The following ATP6V0D2 variants were observed in gnomAD, a reference collection of about 807,000 sequenced individuals.
ATP6V0D2 encodes V-type proton ATPase subunit d 2.
Under a neutral mutation model 40.0 loss-of-function variants are expected in ATP6V0D2, and 40 were observed. That is an observed-to-expected ratio of 1.00 (90% confidence interval 0.78 to 1.30). ATP6V0D2 has a LOEUF of 1.30. Among genes scored for constraint, ATP6V0D2 ranks in the 50% most tolerant of loss-of-function variants. The pLI is 0.00. For missense variants in ATP6V0D2, 470 were observed against 423.1 expected (o/e 1.11, Z -0.97); for synonymous variants, 179 against 156.3 (o/e 1.15, Z -1.08).
intron 2 of ATP6V0D2, among the ~76,000 whole-genome samples, chr8:86,116,531 A>G (rs923648895): frequency 6.6e-6 from 1 of 152,212 alleles, no homozygotes; most frequent in Non-Finnish European, 1.5e-5. Context: ...AAATAACTGC[A>G]TAGAATTGGC....
chr8:86,150,063 A>G (rs983551101), intron 5 of ATP6V0D2, 49 bp from the exon 6 acceptor site: 2 of 1,552,552 alleles, frequency 1.3e-6, no homozygotes, highest in Admixed American at 1.8e-5. Context: ...GTCTGTTTAT[A>G]GCATTTAGCA....
chr8:86,106,000 G>A (rs563813114), intron 1 of ATP6V0D2, among the ~76,000 whole-genome samples: 5 of 152,078 alleles, frequency 3.3e-5, no homozygotes, highest in Non-Finnish European at 7.4e-5. Context: ...TTTGCATGTA[G>A]TAAGAATCTG....
intron 2 of ATP6V0D2, among the ~76,000 whole-genome samples, chr8:86,120,988 G>T (rs1457326495): frequency 6.6e-6 from 1 of 152,110 alleles, no homozygotes; most frequent in East Asian, 1.9e-4. Context: ...GTGTATTTTT[G>T]AAGGCACCCA....
chr8:86,143,250 TG>T (rs1288900895), intron 5 of ATP6V0D2, among the ~76,000 whole-genome samples: 1 of 152,192 alleles, frequency 6.6e-6, no homozygotes, highest in African/African-American at 2.4e-5. Context: ...AAAAATAGAT[TG>T]TAAACAATAA....
At chr8:86,139,335 AG>A in intron 2 of ATP6V0D2, 121 bp from the exon 3 acceptor site, 1 of 735,974 alleles carries the variant, frequency 1.4e-6, no homozygotes, top group Non-Finnish European at 2.1e-6. Flanking sequence ...TAAAATAAAA[AG>A]AGACTCATGT....
chr8:86,129,487 G>A (rs1036812547), intron 2 of ATP6V0D2, among the ~76,000 whole-genome samples: 1 of 151,256 alleles, frequency 6.6e-6, no homozygotes, highest in South Asian at 2.1e-4. Flanking sequence ...ACCAGCCTAG[G>A]CAACACAGGG....
chr8:86,132,464 C>T (rs1818839532), intron 2 of ATP6V0D2, among the ~76,000 whole-genome samples: 2 of 152,048 alleles, frequency 1.3e-5, no homozygotes, highest in Non-Finnish European at 1.5e-5. Context: ...ATCTACTTCT[C>T]CTCCTCTCCC....
intron 3 of ATP6V0D2, among the ~76,000 whole-genome samples, chr8:86,141,197 C>T (rs1194550454): frequency 6.6e-6 from 1 of 152,180 alleles, no homozygotes; most frequent in Non-Finnish European, 1.5e-5. Context: ...TACTAACAGG[C>T]CACGGACTGG....
intron 2 of ATP6V0D2, among the ~76,000 whole-genome samples, chr8:86,138,876 G>T (rs200556860): frequency 6.6e-6 from 1 of 152,154 alleles, no homozygotes; most frequent in Non-Finnish European, 1.5e-5. Flanking sequence ...GGCTTCTTCC[G>T]CATATTCCCA....
Position 86,151,487 on chromosome 8 carries a change from G to A in ATP6V0D2, c.838G>A (p.Ala280Thr), listed in dbSNP as rs1431001583. Residue 280 changes from alanine (A) to threonine (T), a missense_variant, in exon 7 of 8, where the codon GCT becomes ACT. Coordinates refer to ENST00000285393, the MANE Select transcript of ATP6V0D2 (RefSeq NM_152565.1). ...TAAGGTATACAAACCTTTATTTGAA[G>A]CTGTAGGTGGCAGTGGGGGAAAGAC... ...HYGVYKPLFE[A>T]VGGSGGKTLE... is the part of the protein sequence containing the mutation. 5 of 1,605,734 alleles carry A rather than the reference G, an allele frequency of 3.1e-6. No homozygotes were observed. The African/African-American group carries it at 4.0e-5, about 13-fold the overall frequency.
chr8:86,101,627 C>T (rs911485567), intron 1 of ATP6V0D2, among the ~76,000 whole-genome samples: 12 of 152,178 alleles, frequency 7.9e-5, no homozygotes, highest in Non-Finnish European at 4.4e-5. Flanking sequence ...ACAGATCTAT[C>T]CTCTACATAG....
intron 7 of ATP6V0D2, among the ~76,000 whole-genome samples, chr8:86,151,788 G>A: frequency 7.1e-6 from 1 of 141,448 alleles, no homozygotes; most frequent in African/African-American, 2.6e-5. Context: ...CCTCCTAAAA[G>A]AGTTTACTTA....
chr8:86,140,227 A>G (rs1019945389), intron 3 of ATP6V0D2, among the ~76,000 whole-genome samples: 1 of 152,232 alleles, frequency 6.6e-6, no homozygotes, highest in Non-Finnish European at 1.5e-5. Context: ...AGATAATTGT[A>G]TAAGCATCAT....
rs752246824 is a variant in ATP6V0D2, at chr8:86,152,946, C to T, written c.1022C>T (p.Thr341Ile). ...IAECISQRHRTKINSYIPIL is the reference protein window; with the variant it reads ...IAECISQRHRIKINSYIPIL ...GAATGTATTTCACAGAGGCATCGAA[C>T]TAAAATCAACAGTTACATTCCAATT... Residue 341 changes from threonine (T) to isoleucine (I), a missense_variant, in exon 8 of 8, where the codon ACT becomes ATT. Physicochemically the swap from Thr to Ile is moderately conservative, Grantham distance 89. Transcript: ENST00000285393. 1.1e-5 allele frequency: 17 copies of T among 1,606,110 alleles called. No homozygotes were observed. In the Admixed American group the frequency reaches 2.9e-4, roughly 28 times the overall value.
At chr8:86,108,085 T>G (rs1818489567) in intron 1 of ATP6V0D2, among the ~76,000 whole-genome samples, 1 of 152,198 alleles carries the variant, frequency 6.6e-6, no homozygotes, top group Admixed American at 6.5e-5. Context: ...AACAATATTT[T>G]GTGGTGGATT....
intron 2 of ATP6V0D2, among the ~76,000 whole-genome samples, chr8:86,126,970 T>C (rs1009834348): frequency 1.3e-5 from 2 of 152,220 alleles, no homozygotes; most frequent in Non-Finnish European, 2.9e-5. Context: ...TGTTCTAAAA[T>C]ATGCTATTAT....
intron 1 of ATP6V0D2, among the ~76,000 whole-genome samples, chr8:86,105,553 C>T (rs1352958551): frequency 1.3e-5 from 2 of 151,968 alleles, no homozygotes; most frequent in African/African-American, 2.4e-5. Flanking sequence ...CCACCTCAGC[C>T]TCCCAAAGTA....
chr8:86,103,533 C>T (rs1818430541), intron 1 of ATP6V0D2, among the ~76,000 whole-genome samples: 1 of 152,018 alleles, frequency 6.6e-6, no homozygotes, highest in African/African-American at 2.4e-5. Flanking sequence ...GCTTGAGCTT[C>T]AGAGCTTCTC....
chr8:86,147,153 A>G (rs1357665926), intron 5 of ATP6V0D2, among the ~76,000 whole-genome samples: 2 of 152,168 alleles, frequency 1.3e-5, no homozygotes, highest in Non-Finnish European at 2.9e-5. Context: ...TGGTCAGTGC[A>G]TGTGCTGATA....
Sources: gnomAD v4.1 joint callset for allele counts (sites outside exome capture counted in the v4.1 genomes callset) on GRCh38, gnomAD v4.1.1 for gene constraint, MANE v1.5 for transcripts, NCBI Gene and HGNC (gene_info 2026-07-23, HGNC 2026-07-21) for gene names.